DCLK1: variants seen among roughly 807,000 people sequenced by gnomAD.
The protein encoded by DCLK1 is doublecortin like kinase 1, also known as serine/threonine-protein kinase DCLK1.
A neutral mutation model predicts 86.2 loss-of-function variants in DCLK1; 16 were observed. That is an observed-to-expected ratio of 0.19 (90% CI 0.13 to 0.28). The LOEUF is 0.28. DCLK1 is among the 10% of genes least tolerant of loss of function. The pLI, the probability that DCLK1 is intolerant of heterozygous loss-of-function variation, is 1.00. For missense variants in DCLK1, 590 were observed against 940.2 expected (o/e 0.63, Z 4.87); for synonymous variants, 369 against 370.5 (o/e 1.00, Z 0.05).
At chr13:35,959,165 T>C (rs1746913640) in intron 3 of DCLK1, among the ~76,000 whole-genome samples, 2 of 152,214 alleles carry the variant, frequency 1.3e-5, no homozygotes, top group African/African-American at 4.8e-5. Flanking sequence ...ATTTCCTCTT[T>C]GTCTTCATTG....
At chr13:36,112,470 T>C (rs1885650442) in intron 2 of DCLK1, among the ~76,000 whole-genome samples, 1 of 152,164 alleles carries the variant, frequency 6.6e-6, no homozygotes, top group African/African-American at 2.4e-5. Flanking sequence ...AGGTCGGTGA[T>C]AGAAATGCTG....
intron 6 of DCLK1, chr13:35,848,616 T>C: frequency 1.0e-6 from 1 of 985,326 alleles, no homozygotes; most frequent in Non-Finnish European, 1.2e-6. Flanking sequence ...TCTATATCAA[T>C]TGGCAATATC....
chr13:35,983,535 T>C (rs1485594663), intron 3 of DCLK1, among the ~76,000 whole-genome samples: 1 of 152,186 alleles, frequency 6.6e-6, no homozygotes, highest in Non-Finnish European at 1.5e-5. Flanking sequence ...GAATAAGACC[T>C]ACTATTTGAT....
chr13:35,997,517 C>G (rs1290729995), intron 3 of DCLK1, among the ~76,000 whole-genome samples: 1 of 152,198 alleles, frequency 6.6e-6, no homozygotes, highest in Non-Finnish European at 1.5e-5. Context: ...GTTAAACAGC[C>G]AATCACATGT....
chr13:35,942,428 C>T (rs1877138256), intron 4 of DCLK1, among the ~76,000 whole-genome samples: 1 of 152,158 alleles, frequency 6.6e-6, no homozygotes, highest in Admixed American at 6.5e-5. Flanking sequence ...CGTGATCCAC[C>T]CGCCTTGGCC....
At chr13:35,999,189 A>C (rs953316488) in intron 3 of DCLK1, among the ~76,000 whole-genome samples, 12 of 152,064 alleles carry the variant, frequency 7.9e-5, no homozygotes. Context: ...CAGGAGGCAG[A>C]GGTTGCAGTG....
rs184381102 is a variant in DCLK1 at position 36,025,152 on chromosome 13, G to C, written c.724-77695C>G. The stretch of plus-strand genomic sequence containing the variant: ...CTGGCTAATTTTTGTATTTTTAGTA[G>C]AGATAAGGTTTCTCCATGTTGGTCA... On this transcript the variant is annotated intron_variant, in intron 3 of 16. Coordinates refer to ENST00000360631, the MANE Select transcript of DCLK1 (RefSeq NM_001330071.2). Among the ~76,000 whole-genome samples, 3 of 152,110 alleles carry C rather than the reference G, an allele frequency of 2.0e-5. No individual in the cohort carries two copies. In the East Asian group the frequency reaches 5.8e-4, roughly 29 times the overall value.
At position 35,822,856 on chromosome 13, in the gene DCLK1, G is replaced by A; in HGVS notation, c.1427C>T (p.Ala476Val). The A allele has an allele frequency of 6.2e-7, 1 of 1,613,750 alleles. No homozygotes were observed. The highest frequency in any genetic ancestry group is 8.5e-7 in the Non-Finnish European group (1 of 1,179,954). ...ELVKGGDLFD[A>V]ITSTNKYTER... is the part of the protein sequence containing the mutation. Reference sequence around the variant, plus strand: ...GGTGTATTTGTTAGTGGAAGTAATGGCATCAAAAAGGTCTCCCCCCTGAGA... The same window carrying A: ...GGTGTATTTGTTAGTGGAAGTAATGACATCAAAAAGGTCTCCCCCCTGAGA... Residue 476 changes from alanine to valine, a missense_variant, in exon 11 of 17, where the codon GCC becomes GTC. Physicochemically the swap from Ala to Val is moderately conservative, Grantham distance 64 (BLOSUM62 0). Coordinates refer to ENST00000360631, the MANE Select transcript of DCLK1 (RefSeq NM_001330071.2).
intron 3 of DCLK1, among the ~76,000 whole-genome samples, chr13:36,108,692 T>C (rs531782224): frequency 7.9e-5 from 12 of 152,222 alleles, no homozygotes; most frequent in Non-Finnish European, 1.8e-4. Context: ...ACTCAAGCAA[T>C]TCATTTTTTA....
chr13:35,878,529 G>A (rs1263991597), intron 4 of DCLK1, among the ~76,000 whole-genome samples: 1 of 151,836 alleles, frequency 6.6e-6, no homozygotes, highest in African/African-American at 2.4e-5. Flanking sequence ...GCAGTGGGGG[G>A]GAAATGGGGA....
In DCLK1 at chr13:35,962,165, G is replaced by GC. The variant is rs1357952359; in HGVS notation, c.724-14709dup. Among the ~76,000 whole-genome samples the GC allele has an allele frequency of 8.5e-5, 13 of 152,050 alleles. 1 individual carries two copies. ...AGGGTGTTGCTGTGGGTTGAACTGT[G>GC]CCCCCCAAAACTTATAGGTCAAAGT... is the stretch of plus-strand genomic sequence containing the variant. On this transcript the variant is annotated intron_variant, in intron 3 of 16. Transcript: ENST00000360631.
At chr13:35,788,164 A>G (rs1314177049) in intron 16 of DCLK1, 4 of 1,574,058 alleles carry the variant, frequency 2.5e-6, no homozygotes, top group African/African-American at 1.4e-5. Context: ...GGAGACTGCC[A>G]GCACGTTGCC....
At chr13:35,964,515 A>T (rs1338380706) in intron 3 of DCLK1, among the ~76,000 whole-genome samples, 1 of 152,236 alleles carries the variant, frequency 6.6e-6, no homozygotes, top group African/African-American at 2.4e-5. Context: ...GAAGACATTA[A>T]ATCAGCAAAC....
chr13:35,899,448 G>C (rs17053123), intron 4 of DCLK1, among the ~76,000 whole-genome samples: 6,075 of 151,850 alleles, frequency 0.04, 423 homozygotes, highest in African/African-American at 0.14. Context: ...GAGGCTATCA[G>C]CCATGACACT....
chr13:35,927,344 T>C (rs1255491730), intron 4 of DCLK1, among the ~76,000 whole-genome samples: 1 of 152,208 alleles, frequency 6.6e-6, no homozygotes, highest in East Asian at 1.9e-4. Flanking sequence ...GTGTACACAG[T>C]TGTCAAAACA....
At chr13:36,088,737 G>A (rs1163493008) in intron 3 of DCLK1, among the ~76,000 whole-genome samples, 1 of 152,146 alleles carries the variant, frequency 6.6e-6, no homozygotes, top group Non-Finnish European at 1.5e-5. Context: ...AACATTAGTG[G>A]TAGAAAAAGA....
chr13:36,049,606 G>A (rs1593847043), intron 3 of DCLK1, among the ~76,000 whole-genome samples: 1 of 151,836 alleles, frequency 6.6e-6, no homozygotes, highest in East Asian at 1.9e-4. Context: ...TTAATTATCT[G>A]TTACCCTTTT....
intron 3 of DCLK1, among the ~76,000 whole-genome samples, chr13:35,958,306 A>C (rs1399004708): frequency 0.021 from 3 of 142 alleles, no homozygotes; most frequent in Admixed American, 0.12. Context: ...ACTATAATAA[A>C]CACCACTACC....
Position 36,017,723 on chromosome 13 carries a change from A to T in DCLK1, c.724-70266T>A, listed in dbSNP as rs575646626. Among the ~76,000 whole-genome samples the T allele has an allele frequency of 2.0e-5, 3 of 152,258 alleles. No homozygotes were observed. In the East Asian group the frequency reaches 5.8e-4, roughly 29 times the overall value. ...CCCCCTCTTTACCTATCATTGCCAG[A>T]TCTCAAAATTTACTGTTTATCTAGT... is the stretch of plus-strand genomic sequence containing the variant. On this transcript the variant is annotated intron_variant, in intron 3 of 16. Transcript: ENST00000360631.
Sources: gnomAD v4.1 joint callset for allele counts (sites outside exome capture counted in the v4.1 genomes callset) on GRCh38, gnomAD v4.1.1 for gene constraint, MANE v1.5 for transcripts, NCBI Gene and HGNC (gene_info 2026-07-23, HGNC 2026-07-21) for gene names.